Variants in ST6GALNAC4 observed in about 807,000 individuals in gnomAD.
ST6GALNAC4 encodes alpha-N-acetyl-neuraminyl-2,3-beta-galactosyl-1,3-N-acetyl-galactosaminide alpha-2,6-sialyltransferase.
Under a neutral mutation model 30.4 loss-of-function variants are expected in ST6GALNAC4, and 24 were observed. That is an observed-to-expected ratio of 0.79 (90% CI 0.57 to 1.11). The LOEUF (loss-of-function observed/expected upper bound fraction) is 1.11. Ranked by LOEUF, ST6GALNAC4 falls within the 50% of genes most tolerant of loss-of-function variation. The probability of loss-of-function intolerance (pLI) is 0.00; values close to 1 mark genes in which losing one functional copy is unlikely to be tolerated. For missense variants in ST6GALNAC4, 365 were observed against 430.1 expected (o/e 0.85, Z 1.34); for synonymous variants, 156 against 179.7 (o/e 0.87, Z 1.05).
chr9:127,913,493 A>G (rs970358098), intron 3 of ST6GALNAC4, among the ~76,000 whole-genome samples: 1 of 152,156 alleles, frequency 6.6e-6, no homozygotes, highest in African/African-American at 2.4e-5. Context: ...ACTGAGGCAG[A>G]AGAATCCCTT....
intron 5 of ST6GALNAC4, among the ~76,000 whole-genome samples, 160 bp downstream of exon 5, chr9:127,909,791 T>C (rs562680980): frequency 1.1e-4 from 16 of 152,324 alleles, no homozygotes; most frequent in African/African-American, 3.8e-4. Flanking sequence ...CACTGAGCTC[T>C]TTCCCAAGGC....
chr9:127,910,505 A>ACCTCTCTGAGCCTCATGAC, intron 4 of ST6GALNAC4: 1 of 1,007,676 alleles, frequency 9.9e-7, no homozygotes, highest in Non-Finnish European at 1.2e-6. Context: ...TTGCTCGTGA[A>ACCTCTCTGAGCCTCATGAC]CCTCTCTGAG....
intron 4 of ST6GALNAC4, among the ~76,000 whole-genome samples, chr9:127,911,944 G>A (rs1831082094): frequency 6.6e-6 from 1 of 152,204 alleles, no homozygotes; most frequent in Non-Finnish European, 1.5e-5. Flanking sequence ...TTATCCAGAA[G>A]GGATATCAGA....
chr9:127,913,972 C>T (rs577646168), intron 3 of ST6GALNAC4, among the ~76,000 whole-genome samples: 29 of 152,184 alleles, frequency 1.9e-4, no homozygotes, highest in East Asian at 1.9e-4. Context: ...GAACCGGTGG[C>T]GGGAGGCTGA....
chr9:127,910,262 T>C, intron 4 of ST6GALNAC4: 1 of 1,370,504 alleles, frequency 7.3e-7, no homozygotes, highest in Non-Finnish European at 9.5e-7. Flanking sequence ...AACCCAGGCC[T>C]GATCACCTCC....
chr9:127,909,856 C>T (rs1831034339), intron 5 of ST6GALNAC4, 95 bp downstream of exon 5: 2 of 1,238,372 alleles, frequency 1.6e-6, no homozygotes, highest in Non-Finnish European at 2.3e-6. Flanking sequence ...CCCACACTCC[C>T]TCTGCCCCCA....
chr9:127,914,562 A>ATGGCTGGT, intron 3 of ST6GALNAC4, 94 bp downstream of exon 3: 1 of 1,072,072 alleles, frequency 9.3e-7, no homozygotes, highest in South Asian at 2.1e-5. Flanking sequence ...CCAGGATCAC[A>ATGGCTGGT]TGGCTGGTGA....
chr9:127,912,523 C>G lies in ST6GALNAC4; in HGVS notation c.356G>C (p.Ser119Thr), dbSNP rs1261015762. Residue 119 changes from serine to threonine, a missense_variant, in exon 4 of 6, where the codon AGC (serine) becomes ACC (threonine). Ser to Thr is a moderately conservative substitution (Grantham distance 58, BLOSUM62 1). Transcript: ENST00000335791. Reference protein sequence around the residue: ...VGFEADVGQRSTLRVVSHTSV... With the variant: ...VGFEADVGQRTTLRVVSHTSV... ...TGTGTGTGAGACGACACGCAGGGTG[C>G]TGCGCTGGCCCACATCCGCCTCAAA... The G allele has an allele frequency of 6.2e-7, 1 of 1,613,690 alleles. No individual in the cohort carries two copies. Among genetic ancestry groups the G allele is most frequent in the Admixed American group, 1.7e-5 (1 of 60,004 alleles).
At chr9:127,910,355 C>T in intron 4 of ST6GALNAC4, 1 of 1,170,772 alleles carries the variant, frequency 8.5e-7, no homozygotes, top group South Asian at 1.9e-5. Context: ...GGGCTCTGGC[C>T]ACGTCCTCTC....
intron 2 of ST6GALNAC4, among the ~76,000 whole-genome samples, chr9:127,915,126 C>T (rs1424943081): frequency 6.6e-6 from 1 of 152,174 alleles, no homozygotes; most frequent in African/African-American, 2.4e-5. Context: ...AGAAGCAGCA[C>T]AGTGGGGCCT....
chr9:127,909,328 G>T (rs1026318857), intron 5 of ST6GALNAC4, among the ~76,000 whole-genome samples: 1 of 151,188 alleles, frequency 6.6e-6, no homozygotes, highest in Non-Finnish European at 1.5e-5. Flanking sequence ...GGTGGAGGTT[G>T]CAGTGAGCCA....
intron 5 of ST6GALNAC4, 37 bp downstream of exon 5, chr9:127,909,913 TC>T (rs139516757): frequency 0.053 from 84,366 of 1,596,494 alleles, 2,542 homozygotes; most frequent in South Asian, 0.087. Context: ...CTCACAGTCC[TC>T]CCCGCGTCCC....
At chr9:127,910,487 C>T in intron 4 of ST6GALNAC4, 1 of 1,016,366 alleles carries the variant, frequency 9.8e-7, no homozygotes, top group Non-Finnish European at 1.2e-6. Flanking sequence ...CTGCTATGGG[C>T]ATCACATTTG....
chr9:127,908,358 C>G lies in ST6GALNAC4; in HGVS notation c.*34G>C, dbSNP rs372922711. ...TTGGGATGGGACATCCCGGAGGCCT[C>G]GCAACGGCATGGCGACTGGCAGGAC... On this transcript the variant is annotated 3_prime_UTR_variant, in exon 6 of 6. Transcript: ENST00000335791. 6.6e-7 allele frequency: 1 copy of G among 1,506,812 alleles called. No homozygotes were observed. The highest frequency in any genetic ancestry group is 2.4e-5 in the East Asian group (1 of 42,316). The allele number at this position is 1,506,812 out of a possible 1,614,324, so 93.3% of individuals were successfully genotyped here.
Position 127,916,840 on chromosome 9 carries a change from G to A in ST6GALNAC4, c.-90C>T. On this transcript the variant is annotated 5_prime_UTR_variant, in exon 1 of 6. Coordinates refer to ENST00000335791, the MANE Select transcript of ST6GALNAC4 (RefSeq NM_175039.4). ...ATCCATCCTACCTCTCTACCCGGGG[G>A]ACGAATGGAGAGGCCGGGCGAGGGC... The A allele has an allele frequency of 4.4e-6, 1 of 228,342 alleles. No individual in the cohort carries two copies. Among genetic ancestry groups the A allele is most frequent in the Non-Finnish European group, 8.7e-6 (1 of 114,674 alleles). The allele number at this position is 228,342 out of a possible 1,614,324, so 14.1% of individuals were successfully genotyped here. A position where few individuals can be genotyped will look rare whatever the true frequency, so the allele number is the denominator to read the frequency against.
rs567156170 is a variant in ST6GALNAC4 at position 127,911,889 on chromosome 9, C to T, written c.611+379G>A. 2.0e-5 allele frequency among the ~76,000 whole-genome samples: 3 copies of T among 152,328 alleles called. No individual in the cohort carries two copies. In the East Asian group the frequency reaches 5.8e-4, roughly 29 times the overall value. On this transcript the variant is annotated intron_variant, in intron 4 of 5. Coordinates refer to ENST00000335791, the MANE Select transcript of ST6GALNAC4 (RefSeq NM_175039.4). ...CCTCCCGCCTTGGCCTCCCAAAATG[C>T]TGGGATTACAGGCGTGAGCCACCGC... is the stretch of plus-strand genomic sequence containing the variant.
intron 2 of ST6GALNAC4, among the ~76,000 whole-genome samples, chr9:127,915,174 G>T (rs1419256410): frequency 6.6e-6 from 1 of 152,218 alleles, no homozygotes; most frequent in African/African-American, 2.4e-5. Flanking sequence ...CTAACTGGAG[G>T]CTAGGGTGTA....
At chr9:127,914,334 C>A (rs1473760967) in intron 3 of ST6GALNAC4, among the ~76,000 whole-genome samples, 4 of 139,054 alleles carry the variant, frequency 2.9e-5, no homozygotes, top group Non-Finnish European at 6.1e-5. Context: ...GCAGAGGTTG[C>A]GTGAGCTGAG....
At chr9:127,913,573 G>C (rs762556273) in intron 3 of ST6GALNAC4, among the ~76,000 whole-genome samples, 1 of 151,888 alleles carries the variant, frequency 6.6e-6, no homozygotes, top group Non-Finnish European at 1.5e-5. Flanking sequence ...GACAGAGTGA[G>C]CTCTTGTCTA....
Sources: gnomAD v4.1 joint callset for allele counts (sites outside exome capture counted in the v4.1 genomes callset) on GRCh38, gnomAD v4.1.1 for gene constraint, MANE v1.5 for transcripts, NCBI Gene and HGNC (gene_info 2026-07-23, HGNC 2026-07-21) for gene names.